MTMR7: variants seen among roughly 807,000 people sequenced by gnomAD.
MTMR7 encodes the protein myotubularin related protein 7.
Under a neutral mutation model 81.2 loss-of-function variants are expected in MTMR7, and 76 were observed. The observed-to-expected ratio is 0.94, with a 90% CI of 0.78 to 1.13. The LOEUF (loss-of-function observed/expected upper bound fraction) is 1.13. Ranked by LOEUF, MTMR7 falls within the 50% of genes most tolerant of loss-of-function variation. The pLI, the probability that MTMR7 is intolerant of heterozygous loss-of-function variation, is 0.00. For synonymous variants in MTMR7, 372 were observed against 289.8 expected (o/e 1.28, Z -2.88); for missense variants, 1,044 against 820.0 (o/e 1.27, Z -3.34).
chr8:17,345,932 G>A (rs1819539131), intron 5 of MTMR7: 1 of 152,184 alleles, frequency 6.6e-6, no homozygotes, highest in Non-Finnish European at 1.5e-5. Flanking sequence ...TTTGGGGGTA[G>A]GAATACATAC....
intron 1 of MTMR7, among the ~76,000 whole-genome samples, chr8:17,405,116 T>C (rs1454259862): frequency 3.3e-5 from 5 of 152,218 alleles, no homozygotes; most frequent in East Asian, 3.9e-4. Context: ...CCTCCCAAAG[T>C]GTTGGGATTA....
chr8:17,336,303 G>A (rs938607845), intron 6 of MTMR7, among the ~76,000 whole-genome samples: 4 of 152,098 alleles, frequency 2.6e-5, no homozygotes, highest in Non-Finnish European at 5.9e-5. Flanking sequence ...GATGGCTCAT[G>A]CTCAACTTCC....
chr8:17,353,846 T>C (rs1415735664), intron 4 of MTMR7, among the ~76,000 whole-genome samples: 2 of 152,218 alleles, frequency 1.3e-5, no homozygotes, highest in South Asian at 2.1e-4. Context: ...GGTGCTGTCC[T>C]GGCAAGGGGA....
intron 1 of MTMR7, among the ~76,000 whole-genome samples, chr8:17,406,608 A>T (rs1821590406): frequency 6.6e-6 from 1 of 151,024 alleles, no homozygotes; most frequent in Non-Finnish European, 1.5e-5. Flanking sequence ...CAAAGTTGCT[A>T]TACGATTCAC....
At chr8:17,399,331 G>C (rs562519134) in intron 1 of MTMR7, among the ~76,000 whole-genome samples, 2 of 152,156 alleles carry the variant, frequency 1.3e-5, no homozygotes, top group African/African-American at 2.4e-5. Context: ...GTTCATGTAT[G>C]CCAACAGTGA....
chr8:17,361,958 G>A (rs546555971), intron 3 of MTMR7, among the ~76,000 whole-genome samples: 1 of 152,112 alleles, frequency 6.6e-6, no homozygotes, highest in Non-Finnish European at 1.5e-5. Context: ...TGTTATCTCT[G>A]TCTTTATATA....
intron 1 of MTMR7, among the ~76,000 whole-genome samples, chr8:17,376,053 C>T (rs11203849): frequency 0.14 from 22,004 of 152,204 alleles, 1,921 homozygotes; most frequent in East Asian, 0.39. Context: ...AGAAATCCTG[C>T]ACCCACTACC....
At chr8:17,308,500 A>T (rs1817611511) in intron 10 of MTMR7, among the ~76,000 whole-genome samples, 2 of 152,254 alleles carry the variant, frequency 1.3e-5, no homozygotes, top group Non-Finnish European at 2.9e-5. Flanking sequence ...ATACTTGAGC[A>T]GTTGCATGCA....
chr8:17,348,542 T>C (rs1454900198), intron 5 of MTMR7, among the ~76,000 whole-genome samples: 22 of 94,224 alleles, frequency 2.3e-4, no homozygotes, highest in African/African-American at 8.5e-4. Context: ...AGAGTGAGAC[T>C]CTGTCTCAAA....
intron 1 of MTMR7, among the ~76,000 whole-genome samples, chr8:17,397,473 G>A (rs1275979128): frequency 6.6e-6 from 1 of 152,184 alleles, no homozygotes; most frequent in East Asian, 1.9e-4. Flanking sequence ...GCTACTGGAA[G>A]AGGCTCCTCT....
At position 17,331,320 on chromosome 8, in the gene MTMR7, A is replaced by G. The variant is rs377020654; in HGVS notation, c.733-38T>C. 5.2e-6 allele frequency: 8 copies of G among 1,546,560 alleles called. No homozygotes were observed. The African/African-American group carries it at 8.3e-5, about 16-fold the overall frequency. On this transcript the variant is annotated intron_variant, in intron 6 of 13. Transcript: ENST00000180173. ...GCAAAACAGAACAGTCATCAATTACATTGATGAAACAATGATGAAACAACC... is the reference window on the plus strand; with the variant it reads ...GCAAAACAGAACAGTCATCAATTACGTTGATGAAACAATGATGAAACAACC...
At position 17,361,354 on chromosome 8, in the gene MTMR7, C is replaced by T. The variant is rs971787998; in HGVS notation, c.311-80G>A. On this transcript the variant is annotated intron_variant, in intron 3 of 13. Coordinates refer to ENST00000180173, the MANE Select transcript of MTMR7 (RefSeq NM_004686.5). ...ATCTCCCCGAAAACATTCTGTCCCACCTGGAGTGCCCAGAGAGGCCATCCC... is the reference window on the plus strand; with the variant it reads ...ATCTCCCCGAAAACATTCTGTCCCATCTGGAGTGCCCAGAGAGGCCATCCC... The T allele has an allele frequency of 4.6e-6, 7 of 1,528,846 alleles. No individual in the cohort carries two copies. In the African/African-American group the frequency reaches 6.8e-5, roughly 15 times the overall value. The allele number at this position is 1,528,846 out of a possible 1,614,324, so 94.7% of individuals were successfully genotyped here.
At chr8:17,350,681 A>AG (rs1177648978) in intron 4 of MTMR7, among the ~76,000 whole-genome samples, 2 of 152,308 alleles carry the variant, frequency 1.3e-5, no homozygotes, top group East Asian at 3.9e-4. Context: ...ATGGGTTTGT[A>AG]GGGGTTGAAA....
intron 3 of MTMR7, among the ~76,000 whole-genome samples, chr8:17,370,459 G>A (rs1188916656): frequency 6.7e-6 from 1 of 149,268 alleles, no homozygotes; most frequent in Non-Finnish European, 1.5e-5. Flanking sequence ...GGCAGAGGTT[G>A]CAGTGAGCTG....
chr8:17,341,512 C>A lies in MTMR7; in HGVS notation c.598-15G>T. The stretch of plus-strand genomic sequence containing the variant: ...CAGATGGAGGCCTAGGGGGAGAGGT[C>A]ACAGCAACACAGCACCATCAGGTAA... On this transcript the variant is annotated splice_polypyrimidine_tract_variant and intron_variant, in intron 5 of 13. Coordinates refer to ENST00000180173, the MANE Select transcript of MTMR7 (RefSeq NM_004686.5). 1.2e-6 allele frequency: 2 copies of A among 1,612,248 alleles called. No individual in the cohort carries two copies. The highest frequency in any genetic ancestry group is 1.1e-5 in the South Asian group (1 of 90,990).
At chr8:17,313,959 C>T (rs1817925485) in intron 7 of MTMR7, among the ~76,000 whole-genome samples, 2 of 152,170 alleles carry the variant, frequency 1.3e-5, no homozygotes, top group Non-Finnish European at 2.9e-5. Context: ...TTAAAAATAA[C>T]ACATATGCCT....
chr8:17,322,993 G>A (rs1818482025), intron 7 of MTMR7, among the ~76,000 whole-genome samples: 1 of 141,474 alleles, frequency 7.1e-6, no homozygotes, highest in Admixed American at 7.7e-5. Flanking sequence ...TGTCGCCCAG[G>A]CTGGAGTGCA....
chr8:17,307,787 CA>C (rs1400900074), intron 10 of MTMR7, among the ~76,000 whole-genome samples: 1 of 149,412 alleles, frequency 6.7e-6, no homozygotes, highest in Non-Finnish European at 1.5e-5. Flanking sequence ...ATCGCAAGGA[CA>C]AAAAAACCAA....
At chr8:17,379,831 C>G (rs1461589686) in intron 1 of MTMR7, among the ~76,000 whole-genome samples, 1 of 152,046 alleles carries the variant, frequency 6.6e-6, no homozygotes, top group Non-Finnish European at 1.5e-5. Flanking sequence ...TGAAGCACCA[C>G]AGGAAATAAT....
Sources: gnomAD v4.1 joint callset for allele counts (sites outside exome capture counted in the v4.1 genomes callset) on GRCh38, gnomAD v4.1.1 for gene constraint, MANE v1.5 for transcripts, NCBI Gene and HGNC (gene_info 2026-07-23, HGNC 2026-07-21) for gene names.